Variants in CARNS1 observed in about 807,000 individuals in gnomAD.
CARNS1 encodes ATP-grasp domain containing 1.
In CARNS1, 61 loss-of-function variants were observed where a neutral mutation model predicts 74.0. The observed-to-expected ratio is 0.82, with a 90% CI of 0.67 to 1.02. The LOEUF (loss-of-function observed/expected upper bound fraction) is 1.02, where lower values mean the gene tolerates loss of function less well. CARNS1 is among the 50% of genes least tolerant of loss of function. CARNS1 has a pLI of 0.00. For synonymous variants in CARNS1, 568 were observed against 605.5 expected (o/e 0.94, Z 0.91); for missense variants, 1,278 against 1,308.4 (o/e 0.98, Z 0.36).
Position 67,419,157 on chromosome 11 carries a change from C to A in CARNS1, c.766C>A (p.Leu256Met). The change falls in exon 5 of 10, where the codon CTG becomes ATG. Residue 256 changes from leucine (L) to methionine (M), a missense_variant. Leu to Met is a conservative substitution (Grantham distance 15). This residue lies in a region of CARNS1 where 1,164 missense variants were observed against 1,156.5 expected (regional missense o/e 1.01). Coordinates refer to ENST00000687366, the MANE Select transcript of CARNS1 (RefSeq NM_001166222.2). ...CAGCCTAGGGCTACGGCTGGTGGAG[C>A]TGAGTGGCAAAGAGGGCCAGGAGAC... ...DASLGLRLVE[L>M]SGKEGQETLV... 2 of 1,556,358 alleles carry A rather than the reference C, an allele frequency of 1.3e-6. No homozygotes were observed. Among genetic ancestry groups the A allele is most frequent in the Non-Finnish European group, 1.7e-6 (2 of 1,147,700 alleles).
At chr11:67,419,948 T>G in intron 7 of CARNS1, 110 bp downstream of exon 7, 2 of 1,086,054 alleles carry the variant, frequency 1.8e-6, no homozygotes, top group South Asian at 2.8e-5. Flanking sequence ...GAGGACAAAA[T>G]CCTTAGGGGG....
chr11:67,420,312 AG>A (rs1354176139), intron 7 of CARNS1, among the ~76,000 whole-genome samples: 1 of 151,736 alleles, frequency 6.6e-6, no homozygotes, highest in African/African-American at 2.4e-5. Context: ...GGTGCGCCCC[AG>A]GGAGATGCTA....
In CARNS1 at chr11:67,424,891, A is replaced by ACACACACACAC; in HGVS notation, c.*291_*292insACACACACACC. The ACACACACACAC allele has an allele frequency of 1.7e-6, 1 of 599,226 alleles. No individual in the cohort carries two copies. Among genetic ancestry groups the ACACACACACAC allele is most frequent in the Non-Finnish European group, 3.1e-6 (1 of 320,426 alleles). The allele number at this position is 599,226 out of a possible 1,614,324, so 37.1% of individuals were successfully genotyped here. ...CACACACACACACACACACACACACACCTCTGACGCCAGCTCCCCAGGTGG... is the reference window on the plus strand; with the variant it reads ...CACACACACACACACACACACACACACACACACACACCCTCTGACGCCAGCTCCCCAGGTGG... On this transcript the variant is annotated 3_prime_UTR_variant, in exon 10 of 10. Coordinates refer to ENST00000687366, the MANE Select transcript of CARNS1 (RefSeq NM_001166222.2).
rs1408110707 is a variant in CARNS1 at position 67,418,528 on chromosome 11, T to A, written c.364+8T>A. 6 of 1,528,146 alleles carry A rather than the reference T, an allele frequency of 3.9e-6. No individual in the cohort carries two copies. The East Asian group carries it at 1.2e-4, about 31-fold the overall frequency. The allele number at this position is 1,528,146 out of a possible 1,614,324, so 94.7% of individuals were successfully genotyped here. On this transcript the variant is annotated splice_region_variant and intron_variant, in intron 4 of 9. Coordinates refer to ENST00000687366, the MANE Select transcript of CARNS1 (RefSeq NM_001166222.2). ...GTGGGGTCCAGAGCCCGGGTGAGTG[T>A]ATGCTCAAGTTTCCCCATCCCCTTC... is the stretch of plus-strand genomic sequence containing the variant.
Position 67,417,593 on chromosome 11 carries a change from G to C in CARNS1, c.190G>C (p.Val64Leu), listed in dbSNP as rs1863578838. ...PEGAEARAWT[V>L]YYYSLLQSCL... ...GGGGGCCGAGGCCCGGGCTTGGACTGTCTACTACTACAGCCTCCTGCAGAG... is the reference window on the plus strand; with the variant it reads ...GGGGGCCGAGGCCCGGGCTTGGACTCTCTACTACTACAGCCTCCTGCAGAG... Residue 64 changes from valine to leucine, a missense_variant, in exon 3 of 10, where the codon GTC becomes CTC. Physicochemically the swap from Val to Leu is conservative, Grantham distance 32. Transcript: ENST00000687366. The C allele has an allele frequency of 1.4e-5, 18 of 1,331,546 alleles. No homozygotes were observed. Among genetic ancestry groups the C allele is most frequent in the Non-Finnish European group, 1.6e-5 (17 of 1,040,606 alleles). 82.5% of individuals were successfully genotyped at this position (1,331,546 alleles called of 1,614,324 possible).
chr11:67,420,783 G>T lies in CARNS1; in HGVS notation c.1288G>T (p.Glu430Ter). 8.1e-7 allele frequency: 1 copy of T among 1,237,258 alleles called. No homozygotes were observed. Among genetic ancestry groups the T allele is most frequent in the South Asian group, 3.6e-5 (1 of 27,746 alleles). 76.6% of individuals were successfully genotyped at this position (1,237,258 alleles called of 1,614,324 possible). Residue 430 changes from glutamate to a stop codon, truncating the protein, a stop_gained, in exon 8 of 10, where the codon GAG (glutamate) becomes TAG (stop). Coordinates refer to ENST00000687366, the MANE Select transcript of CARNS1 (RefSeq NM_001166222.2). LOFTEE classifies it high-confidence loss of function. ...EAALAAVLAL[E>*]AGLSAEQRGG... is the part of the protein sequence containing the mutation. ...CGCGCTGGCCGCCGTGCTGGCTCTGGAGGCCGGCCTGAGTGCCGAGCAGCG... is the reference window on the plus strand; with the variant it reads ...CGCGCTGGCCGCCGTGCTGGCTCTGTAGGCCGGCCTGAGTGCCGAGCAGCG...
intron 2 of CARNS1, chr11:67,417,161 G>A: frequency 1.6e-6 from 2 of 1,214,696 alleles, no homozygotes; most frequent in Non-Finnish European, 1.0e-6. Flanking sequence ...GGGGCTGGCT[G>A]GCAAGACATT....
At chr11:67,417,735 C>T in intron 3 of CARNS1, 58 bp downstream of exon 3, 4 of 1,169,462 alleles carry the variant, frequency 3.4e-6, no homozygotes, top group Non-Finnish European at 3.2e-6. Context: ...GCCCTCAGCC[C>T]AGTCTGCTTG....
rs1863569692 is a variant in CARNS1 at position 67,417,408 on chromosome 11, T to A, written c.5T>A (p.Leu2His). M[L>H]SLDPSGPEWD... ...GACCTACCACTTCTGCCCTCTCAGC[T>A]CTCCCTGGATCCATCGGGTCCCGAG... Residue 2 changes from leucine to histidine, a missense_variant and splice_region_variant, in exon 3 of 10, where the codon CTC (leucine) becomes CAC (histidine). Leu to His is a moderately conservative substitution (Grantham distance 99). This residue lies in a region of CARNS1 where 104 missense variants were observed against 127.3 expected (regional missense o/e 0.82). Transcript: ENST00000687366. The A allele has an allele frequency of 7.4e-7, 1 of 1,350,058 alleles. No homozygotes were observed. Among genetic ancestry groups the A allele is most frequent in the South Asian group, 1.8e-5 (1 of 55,964 alleles). The allele number at this position is 1,350,058 out of a possible 1,614,324, so 83.6% of individuals were successfully genotyped here. A position where few individuals can be genotyped will look rare whatever the true frequency, so the allele number is the denominator to read the frequency against.
Position 67,423,543 on chromosome 11 carries a change from G to C in CARNS1, c.1795G>C (p.Asp599His), listed in dbSNP as rs1451918997. 4 of 1,612,840 alleles carry C rather than the reference G, an allele frequency of 2.5e-6. No homozygotes were observed. Among genetic ancestry groups the C allele is most frequent in the Non-Finnish European group, 3.4e-6 (4 of 1,179,460 alleles). ...AGATGGCTGCTTCTCCTACTGGGAT[G>C]ACTGCCTGGTGCTCACAGCCCTGCT... ...KLDGCFSYWDDCLVLTALLCQ... is the reference protein window; with the variant it reads ...KLDGCFSYWDHCLVLTALLCQ... Residue 599 changes from aspartate (D) to histidine (H), a missense_variant, in exon 10 of 10, where the codon GAC becomes CAC. By Grantham distance (81) the Asp-to-His change is moderately conservative. This residue lies in a region of CARNS1 where 1,164 missense variants were observed against 1,156.5 expected (regional missense o/e 1.01). Transcript: ENST00000687366. This position sits in a 1 kb window ranked among gnomAD's most constrained non-coding sequence, Gnocchi z 5.1.
chr11:67,422,314 A>G (rs1863731467), intron 9 of CARNS1, among the ~76,000 whole-genome samples: 2 of 149,634 alleles, frequency 1.3e-5, no homozygotes, highest in South Asian at 4.2e-4. Flanking sequence ...CTCCGGAGTA[A>G]CTAGGATTAC....
At chr11:67,417,357 T>C (rs1863567758) in intron 2 of CARNS1, 50 bp from the exon 3 acceptor site, 2 of 1,288,270 alleles carry the variant, frequency 1.6e-6, no homozygotes, top group Middle Eastern at 2.0e-4. Context: ...GGTGACTTAA[T>C]GTGCCCACTG....
Position 67,420,801 on chromosome 11 carries a change from G to T in CARNS1, c.1306G>T (p.Glu436Ter). Residue 436 changes from glutamate (E) to a stop codon, truncating the protein, a stop_gained, in exon 8 of 10, where the codon GAG (glutamate) becomes TAG (stop). Coordinates refer to ENST00000687366, the MANE Select transcript of CARNS1 (RefSeq NM_001166222.2). LOFTEE classifies it high-confidence loss of function. Reference sequence around the variant, plus strand: ...GGCTCTGGAGGCCGGCCTGAGTGCCGAGCAGCGCGGCGGGCGCCGGGCGCA... The same window carrying T: ...GGCTCTGGAGGCCGGCCTGAGTGCCTAGCAGCGCGGCGGGCGCCGGGCGCA... ...VLALEAGLSA[E>*]QRGGRRAHTD... 8.1e-7 allele frequency: 1 copy of T among 1,229,140 alleles called. No individual in the cohort carries two copies. The highest frequency in any genetic ancestry group is 1.0e-6 in the Non-Finnish European group (1 of 987,414). The allele number at this position is 1,229,140 out of a possible 1,614,324, so 76.1% of individuals were successfully genotyped here. A position where few individuals can be genotyped will look rare whatever the true frequency, so the allele number is the denominator to read the frequency against.
chr11:67,417,585 C>A lies in CARNS1; in HGVS notation c.182C>A (p.Ala61Asp). ...KGSPEGAEAR[A>D]WTVYYYSLLQ... The stretch of plus-strand genomic sequence containing the variant: ...TCCCCCGAGGGGGCCGAGGCCCGGG[C>A]TTGGACTGTCTACTACTACAGCCTC... Residue 61 changes from alanine to aspartate, a missense_variant, in exon 3 of 10, where the codon GCT becomes GAT. By Grantham distance (126) the Ala-to-Asp change is moderately radical. This residue lies in a region of CARNS1 where 104 missense variants were observed against 127.3 expected (regional missense o/e 0.82). Coordinates refer to ENST00000687366, the MANE Select transcript of CARNS1 (RefSeq NM_001166222.2). The A allele has an allele frequency of 7.4e-7, 1 of 1,354,908 alleles. No homozygotes were observed. The highest frequency in any genetic ancestry group is 9.5e-7 in the Non-Finnish European group (1 of 1,054,138). The allele number at this position is 1,354,908 out of a possible 1,614,324, so 83.9% of individuals were successfully genotyped here. A position where few individuals can be genotyped will look rare whatever the true frequency, so the allele number is the denominator to read the frequency against.
At chr11:67,422,784 A>G (rs950728539) in intron 9 of CARNS1, among the ~76,000 whole-genome samples, 1 of 151,958 alleles carries the variant, frequency 6.6e-6, no homozygotes, top group Non-Finnish European at 1.5e-5. Context: ...TGTTTTCTCC[A>G]CTTGGAATGT....
In CARNS1 at chr11:67,417,514, C is replaced by T. The variant is rs932645730; in HGVS notation, c.111C>T (p.Cys37=). 8 of 1,429,608 alleles carry T rather than the reference C, an allele frequency of 5.6e-6. No homozygotes were observed. In the East Asian group the frequency reaches 1.1e-4, roughly 20 times the overall value. 88.6% of individuals were successfully genotyped at this position (1,429,608 alleles called of 1,614,324 possible). The change falls in exon 3 of 10, where the codon TGC becomes TGT. Residue 37 remains cysteine, a synonymous_variant. Coordinates refer to ENST00000687366, the MANE Select transcript of CARNS1 (RefSeq NM_001166222.2). The part of the protein sequence containing the change: ...GGGSGLPPTG[C]FPGSWRQDVG... ...GCTCTGGCCTGCCGCCCACAGGCTG[C>T]TTCCCTGGCTCCTGGCGCCAGGACG...
intron 9 of CARNS1, among the ~76,000 whole-genome samples, chr11:67,422,178 T>G (rs1338736854): frequency 1.3e-3 from 149 of 110,718 alleles, no homozygotes; most frequent in African/African-American, 5.8e-3. Flanking sequence ...GGCCTTTTTT[T>G]TTTTTTTTTT....
chr11:67,420,654 A>G lies in CARNS1; in HGVS notation c.1159A>G (p.Asn387Asp). 1 of 1,253,656 alleles carries G rather than the reference A, an allele frequency of 8.0e-7. No individual in the cohort carries two copies. Among genetic ancestry groups the G allele is most frequent in the Middle Eastern group, 3.0e-4 (1 of 3,284 alleles). The allele number at this position is 1,253,656 out of a possible 1,614,324, so 77.7% of individuals were successfully genotyped here. Reference sequence around the variant, plus strand: ...CGGGGACCGCCCTCTACGGCACCACAACTCCCTGCCGAGGACGCTGGAGGT... The same window carrying G: ...CGGGGACCGCCCTCTACGGCACCACGACTCCCTGCCGAGGACGCTGGAGGT... ...GRGDRPLRHH[N>D]SLPRTLEVAL... The change falls in exon 8 of 10, where the codon AAC (asparagine) becomes GAC (aspartate). Residue 387 changes from asparagine to aspartate, a missense_variant. By Grantham distance (23) the Asn-to-Asp change is conservative. Transcript: ENST00000687366.
rs1863622822 is a variant in CARNS1 at position 67,419,045 on chromosome 11, G to A, written c.654G>A (p.Gln218=). The A allele has an allele frequency of 6.4e-7, 1 of 1,557,428 alleles. No individual in the cohort carries two copies. The highest frequency in any genetic ancestry group is 8.7e-7 in the Non-Finnish European group (1 of 1,151,814). ...RLLEDRLLTR[Q]LLAQQGGVAV... ...TGGAGGACCGGCTGCTGACAAGGCA[G>A]TTGCTGGCCCAGCAGGGTGGTGTGG... Residue 218 remains glutamine, a synonymous_variant, in exon 5 of 10, where the codon CAG becomes CAA. Coordinates refer to ENST00000687366, the MANE Select transcript of CARNS1 (RefSeq NM_001166222.2).
Sources: gnomAD v4.1 joint callset for allele counts (sites outside exome capture counted in the v4.1 genomes callset) on GRCh38, gnomAD v4.1.1 for gene constraint, gnomAD v4.1.1 regional missense constraint, Gnocchi (gnomAD v3.1) non-coding constraint, MANE v1.5 for transcripts, NCBI Gene and HGNC (gene_info 2026-07-23, HGNC 2026-07-21) for gene names.